The following CD99 variants were observed in gnomAD, a reference collection of about 807,000 sequenced individuals.
The protein encoded by CD99 is CD99 antigen.
CD99 carries 19 observed loss-of-function variants against 28.4 expected under a neutral mutation model. The observed-to-expected ratio is 0.67, with a 90% confidence interval of 0.47 to 0.98. The LOEUF is 0.98. Ranked by LOEUF, CD99 falls within the 50% of genes least tolerant of loss-of-function variation. The pLI is 0.00. For synonymous variants in CD99, 103 were observed against 92.1 expected, an observed-to-expected ratio of 1.12 and a Z score of -0.67; for missense variants, 283 against 248.8, an observed-to-expected ratio of 1.14 and a Z score of -0.92.
intron 1 of CD99, among the ~76,000 whole-genome samples, chrX:2,705,796 G>T (rs1420369755): frequency 1.3e-5 from 2 of 152,174 alleles, no homozygotes; most frequent in East Asian, 3.8e-4. Flanking sequence ...CTTCCAGAGC[G>T]ATTCGGTTTT....
intron 1 of CD99, among the ~76,000 whole-genome samples, chrX:2,697,557 T>C (rs1029374176): frequency 7.9e-5 from 12 of 152,118 alleles, no homozygotes; most frequent in Admixed American, 7.2e-4. Flanking sequence ...CTGGCAAGCA[T>C]TGATCCACGA....
chrX:2,701,895 A>G (rs2047882013), intron 1 of CD99, among the ~76,000 whole-genome samples: 1 of 152,220 alleles, frequency 6.6e-6, no homozygotes, highest in South Asian at 2.1e-4. Flanking sequence ...ATATTGAGGA[A>G]GTTAAAATCT....
chrX:2,691,564 C>A, intron 1 of CD99, 137 bp downstream of exon 1: 1 of 937,042 alleles, frequency 1.1e-6, no homozygotes, highest in Non-Finnish European at 1.7e-6. Context: ...ACGCGCTGTG[C>A]CCACGGGGGC....
In CD99 at chrX:2,713,496, A is replaced by G. The variant is rs751248300; in HGVS notation, c.68-926A>G. ...CCCATACATGCACACAAAACCCACA[A>G]ATACATACATGTGCACTGCAAATGC... On this transcript the variant is annotated intron_variant, in intron 1 of 9. Coordinates refer to ENST00000381192, the MANE Select transcript of CD99 (RefSeq NM_002414.5). 2.4e-4 allele frequency among the ~76,000 whole-genome samples: 37 copies of G among 152,218 alleles called. 2 individuals are homozygous for G. Among genetic ancestry groups the G allele is most frequent in the Admixed American group, 1.3e-3 (20 of 15,282 alleles).
chrX:2,691,508 G>C (rs748894283), intron 1 of CD99, 81 bp downstream of exon 1: 138 of 1,446,826 alleles, frequency 9.5e-5, no homozygotes, highest in Non-Finnish European at 1.2e-4. Context: ...TGCGGCGTTG[G>C]GGGCGCCCCG....
chrX:2,702,473 T>C (rs1230076531), intron 1 of CD99, among the ~76,000 whole-genome samples: 1 of 152,234 alleles, frequency 6.6e-6, no homozygotes, highest in African/African-American at 2.4e-5. Flanking sequence ...TTAACTTGTT[T>C]TAACCTAGGT....
intron 9 of CD99, among the ~76,000 whole-genome samples, chrX:2,739,453 A>AT (rs2050099760): frequency 6.6e-6 from 1 of 151,118 alleles, no homozygotes; most frequent in Admixed American, 6.6e-5. Flanking sequence ...AAATATTTTA[A>AT]TTTTTTTTCT....
intron 8 of CD99, among the ~76,000 whole-genome samples, chrX:2,728,614 A>G (rs985626993): frequency 6.6e-6 from 1 of 152,210 alleles, no homozygotes; most frequent in African/African-American, 2.4e-5. Flanking sequence ...AGCAAACAGC[A>G]TAACATTCTT....
At chrX:2,716,058 A>G (rs866442030) in intron 2 of CD99, among the ~76,000 whole-genome samples, 27 of 139,660 alleles carry the variant, frequency 1.9e-4, no homozygotes, top group African/African-American at 3.3e-4. Context: ...TCTCTCTGTC[A>G]CCCAGGCTGG....
intron 2 of CD99, 48 bp downstream of exon 2, chrX:2,714,502 A>G (rs1212890996): frequency 1.4e-6 from 2 of 1,466,300 alleles, no homozygotes; most frequent in African/African-American, 2.7e-5. Flanking sequence ...TTTTATGTTA[A>G]CATAGTATAT....
chrX:2,726,651 G>A (rs1357334501), intron 8 of CD99, among the ~76,000 whole-genome samples: 6 of 151,944 alleles, frequency 3.9e-5, no homozygotes, highest in African/African-American at 7.3e-5. Context: ...TACATATGCC[G>A]CGGAATTGTT....
intron 2 of CD99, among the ~76,000 whole-genome samples, chrX:2,716,363 G>A (rs747067614): frequency 1.3e-5 from 2 of 151,790 alleles, no homozygotes; most frequent in East Asian, 3.9e-4. Context: ...CTGAGACACT[G>A]TCTCGCTGTG....
chrX:2,703,286 C>T (rs949821377), intron 1 of CD99, among the ~76,000 whole-genome samples: 1 of 152,096 alleles, frequency 6.6e-6, no homozygotes, highest in African/African-American at 2.4e-5. Context: ...TGCTACCTAG[C>T]GTCCCTAAGT....
intron 8 of CD99, chrX:2,727,335 G>T: frequency 1.3e-6 from 1 of 779,194 alleles, no homozygotes. Context: ...GGGATCCGCC[G>T]TGAAGCTGGG....
intron 1 of CD99, among the ~76,000 whole-genome samples, chrX:2,709,518 C>G (rs1333067343): frequency 6.6e-6 from 1 of 152,186 alleles, no homozygotes; most frequent in East Asian, 1.9e-4. Flanking sequence ...CACATGAAAA[C>G]ACGTGTGCAC....
intron 6 of CD99, 27 bp from the exon 7 acceptor site, chrX:2,723,287 A>G: frequency 6.2e-7 from 1 of 1,613,508 alleles, no homozygotes; most frequent in South Asian, 1.1e-5. Flanking sequence ...AAACCTTCCC[A>G]TTGCAGACGT....
Position 2,717,666 on chromosome X carries a change from C to G in CD99, c.148+14C>G. On this transcript the variant is annotated intron_variant, in intron 3 of 9. Coordinates refer to ENST00000381192, the MANE Select transcript of CD99 (RefSeq NM_002414.5). ...AACCCAGTGCTGGTGAGAAGGGCTT[C>G]TTCCTAGTATGCAAAGAAAAAGAGC... 1 of 1,611,430 alleles carries G rather than the reference C, an allele frequency of 6.2e-7. No homozygotes were observed. Among genetic ancestry groups the G allele is most frequent in the Admixed American group, 1.7e-5 (1 of 60,006 alleles).
intron 1 of CD99, 146 bp from the exon 2 acceptor site, chrX:2,714,276 A>G (rs2048579645): frequency 1.7e-6 from 1 of 602,124 alleles, no homozygotes; most frequent in Non-Finnish European, 2.9e-6. Context: ...TAGAATGAGA[A>G]GAGAAATCAC....
chrX:2,719,554 G>T, intron 3 of CD99, 107 bp from the exon 4 acceptor site: 1 of 884,452 alleles, frequency 1.1e-6, no homozygotes, highest in Non-Finnish European at 1.9e-6. Context: ...ATTCAGAAAA[G>T]TATTTAGGAA....
Sources: gnomAD v4.1 joint callset for allele counts (sites outside exome capture counted in the v4.1 genomes callset) on GRCh38, gnomAD v4.1.1 for gene constraint, MANE v1.5 for transcripts, NCBI Gene and HGNC (gene_info 2026-07-23, HGNC 2026-07-21) for gene names.